Variants in SIGLEC12 observed in about 807,000 individuals in gnomAD.
SIGLEC12 encodes sialic acid-binding Ig-like lectin 12.
A neutral mutation model predicts 54.1 loss-of-function variants in SIGLEC12; 43 were observed. That is an observed-to-expected ratio of 0.80 (90% CI 0.62 to 1.03). SIGLEC12 has a LOEUF of 1.03. Among genes scored for constraint, SIGLEC12 ranks in the 50% least tolerant of loss-of-function variants. The probability of loss-of-function intolerance (pLI) is 0.00; values close to 1 mark genes in which losing one functional copy is unlikely to be tolerated. For synonymous variants in SIGLEC12, 357 were observed against 307.6 expected, an observed-to-expected ratio of 1.16 and a Z score of -1.68; for missense variants, 802 against 735.2, an observed-to-expected ratio of 1.09 and a Z score of -1.05.
chr19:51,493,138 A>G (rs4349265), intron 7 of SIGLEC12, among the ~76,000 whole-genome samples: 47,007 of 152,102 alleles, frequency 0.31, 7,498 homozygotes, highest in Middle Eastern at 0.46. Flanking sequence ...GGTCACCATG[A>G]CCACTGCTTG....
At chr19:51,494,258 T>G (rs1990173241) in intron 7 of SIGLEC12, among the ~76,000 whole-genome samples, 1 of 151,666 alleles carries the variant, frequency 6.6e-6, no homozygotes, top group Admixed American at 6.6e-5. Flanking sequence ...AAAAAATTCT[T>G]AGAACTCAAC....
intron 4 of SIGLEC12, among the ~76,000 whole-genome samples, chr19:51,498,621 C>T (rs1990306734): frequency 6.6e-6 from 1 of 152,112 alleles, no homozygotes; most frequent in South Asian, 2.1e-4. Context: ...CATGATCTTC[C>T]ATTAGAAGAT....
Position 51,499,150 on chromosome 19 carries a change from G to A in SIGLEC12, c.1135+20C>T. 1 of 1,613,522 alleles carries A rather than the reference G, an allele frequency of 6.2e-7. No individual in the cohort carries two copies. The highest frequency in any genetic ancestry group is 8.5e-7 in the Non-Finnish European group (1 of 1,179,476). On this transcript the variant is annotated intron_variant, in intron 4 of 7. Coordinates refer to ENST00000291707, the MANE Select transcript of SIGLEC12 (RefSeq NM_053003.4). ...TGAAGGCTCTGCTCCTCCAGCCCCAGGGAGAGGACTCCATCTTACCTGTGC... is the reference window on the plus strand; with the variant it reads ...TGAAGGCTCTGCTCCTCCAGCCCCAAGGAGAGGACTCCATCTTACCTGTGC...
chr19:51,491,441 G>A lies in SIGLEC12; in HGVS notation c.*200C>T. 1.8e-6 allele frequency: 1 copy of A among 553,880 alleles called. No homozygotes were observed. Among genetic ancestry groups the A allele is most frequent in the South Asian group, 2.1e-5 (1 of 46,650 alleles). 34.3% of individuals were successfully genotyped at this position (553,880 alleles called of 1,614,324 possible). A position where few individuals can be genotyped will look rare whatever the true frequency, so the allele number is the denominator to read the frequency against. ...AAGAGAATGGTGGGTACCAGAGGCC[G>A]GGGGCGGGGAGTGTGGACCGATTGG... On this transcript the variant is annotated 3_prime_UTR_variant, in exon 8 of 8. Transcript: ENST00000291707.
intron 7 of SIGLEC12, among the ~76,000 whole-genome samples, chr19:51,496,037 C>T (rs1012473305): frequency 6.6e-6 from 1 of 152,152 alleles, no homozygotes; most frequent in African/African-American, 2.4e-5. Context: ...GCAGGAGTGG[C>T]TGGAGGCGGG....
chr19:51,499,950 T>G lies in SIGLEC12; in HGVS notation c.778A>C (p.Ile260Leu). 6.2e-7 allele frequency: 1 copy of G among 1,613,648 alleles called. No homozygotes were observed. Reference sequence around the variant, plus strand: ...ACATGCACAGAGAGCTTGTCATATATGTAGTTCCATTTCCTGCTTCCTCTC... The same window carrying G: ...ACATGCACAGAGAGCTTGTCATATAGGTAGTTCCATTTCCTGCTTCCTCTC... ...VERGSRKWNY[I>L]YDKLSVHVTA... The change falls in exon 2 of 8, where the codon ATA (isoleucine) becomes CTA (leucine). Residue 260 changes from isoleucine to leucine, a missense_variant. Ile to Leu is a conservative substitution (Grantham distance 5). Coordinates refer to ENST00000291707, the MANE Select transcript of SIGLEC12 (RefSeq NM_053003.4).
rs6509544 is a variant in SIGLEC12, at chr19:51,500,077, G to A, written c.651C>T (p.His217=). ...TPSGKVQEDT[H]GRFLLLGDPQ... is the part of the protein sequence containing the mutation. ...GGTCCCCAAGGAGGAGGAATCGACC[G>A]TGGGTATCCTCTTGCACTTTTCCAC... Residue 217 remains histidine (H), a synonymous_variant, in exon 2 of 8, where the codon CAC becomes CAT. Coordinates refer to ENST00000291707, the MANE Select transcript of SIGLEC12 (RefSeq NM_053003.4). The A allele has an allele frequency of 5.6e-6, 9 of 1,613,984 alleles. No individual in the cohort carries two copies. Among genetic ancestry groups the A allele is most frequent in the African/African-American group, 2.7e-5 (2 of 74,910 alleles).
intron 7 of SIGLEC12, among the ~76,000 whole-genome samples, chr19:51,492,752 A>G (rs1990140317): frequency 6.6e-6 from 1 of 152,186 alleles, no homozygotes; most frequent in Non-Finnish European, 1.5e-5. Flanking sequence ...AGAAGCTGGA[A>G]AAGGTGAGAA....
rs1990217545 is a variant in SIGLEC12 at position 51,495,421 on chromosome 19, A to ATGGATGGATGGATGGG, written c.1599+1458_1599+1459insCCCATCCATCCATCCA. On this transcript the variant is annotated intron_variant, in intron 7 of 7. Transcript: ENST00000291707. The stretch of plus-strand genomic sequence containing the variant: ...GATGGGTGGGTGGGTGGGTGGATGG[A>ATGGATGGATGGATGGG]TGGATGGATGGATGGATGGATGGAC... Among the ~76,000 whole-genome samples the ATGGATGGATGGATGGG allele has an allele frequency of 2.6e-5, 3 of 117,136 alleles. No homozygotes were observed. The South Asian group carries it at 9.0e-4, about 35-fold the overall frequency. 76.8% of individuals were successfully genotyped at this position (117,136 alleles called of 152,430 possible).
intron 7 of SIGLEC12, among the ~76,000 whole-genome samples, chr19:51,493,705 A>C (rs78569821): frequency 0.058 from 8,850 of 152,124 alleles, 333 homozygotes; most frequent in Middle Eastern, 0.085. Context: ...TCATAAGTCT[A>C]ACTTCAGAAT....
At chr19:51,492,109 C>G (rs67736111) in intron 7 of SIGLEC12, among the ~76,000 whole-genome samples, 40,764 of 152,034 alleles carry the variant, frequency 0.27, 5,595 homozygotes, top group Middle Eastern at 0.41. Context: ...AAGTACCCTG[C>G]GCAAACTCCC....
In SIGLEC12 at chr19:51,500,312, C is replaced by G. The variant is rs542113322; in HGVS notation, c.428-12G>C. The G allele has an allele frequency of 6.2e-7, 1 of 1,614,084 alleles. No individual in the cohort carries two copies. Among genetic ancestry groups the G allele is most frequent in the Non-Finnish European group, 8.5e-7 (1 of 1,180,004 alleles). Reference sequence around the variant, plus strand: ...TAGGTCCTGGGACGCTGTGGAGAAACGAGGGTCAGCCCAGCCCCCACTGTC... The same window carrying G: ...TAGGTCCTGGGACGCTGTGGAGAAAGGAGGGTCAGCCCAGCCCCCACTGTC... On this transcript the variant is annotated splice_polypyrimidine_tract_variant and intron_variant, in intron 1 of 7. Transcript: ENST00000291707.
rs752035685 is a variant in SIGLEC12 at position 51,491,762 on chromosome 19, G to T, written c.1667C>A (p.Pro556His). The T allele has an allele frequency of 1.9e-6, 3 of 1,611,710 alleles. No homozygotes were observed. The highest frequency in any genetic ancestry group is 2.7e-5 in the African/African-American group (2 of 74,932). Residue 556 changes from proline to histidine, a missense_variant, in exon 8 of 8, where the codon CCC becomes CAC. Transcript: ENST00000291707. ...PHHAPPALAT[P>H]SPEEGEIQYA... ...CTGGATCTCTCCTTCCTCTGGGGAG[G>T]GGGTGGCCAGGGCTGGCGGAGCATG...
chr19:51,500,317 G>T lies in SIGLEC12; in HGVS notation c.428-17C>A. 6.2e-7 allele frequency: 1 copy of T among 1,614,098 alleles called. No homozygotes were observed. Among genetic ancestry groups the T allele is most frequent in the African/African-American group, 1.3e-5 (1 of 75,012 alleles). On this transcript the variant is annotated splice_polypyrimidine_tract_variant and intron_variant, in intron 1 of 7. Transcript: ENST00000291707. ...CCTGGGACGCTGTGGAGAAACGAGG[G>T]TCAGCCCAGCCCCCACTGTCCCTCT...
intron 7 of SIGLEC12, among the ~76,000 whole-genome samples, chr19:51,493,111 A>G (rs946202850): frequency 6.6e-6 from 1 of 152,200 alleles, no homozygotes; most frequent in Non-Finnish European, 1.5e-5. Context: ...ACCACATCTC[A>G]GCACTGCTGT....
At chr19:51,500,526 C>T (rs1012134677) in intron 1 of SIGLEC12, 26 of 224,220 alleles carry the variant, frequency 1.2e-4, no homozygotes, top group Non-Finnish European at 1.4e-4. Flanking sequence ...GCTATAGGAA[C>T]TCATTCCCTC....
Position 51,500,108 on chromosome 19 carries a change from G to T in SIGLEC12, c.620C>A (p.Thr207Asn), listed in dbSNP as rs777748444. 5.6e-6 allele frequency: 9 copies of T among 1,614,028 alleles called. No homozygotes were observed. Among genetic ancestry groups the T allele is most frequent in the African/African-American group, 1.3e-5 (1 of 74,910 alleles). The change falls in exon 2 of 8, where the codon ACC (threonine) becomes AAC (asparagine). Residue 207 changes from threonine (T) to asparagine (N), a missense_variant. By Grantham distance (65) the Thr-to-Asn change is moderately conservative. Coordinates refer to ENST00000291707, the MANE Select transcript of SIGLEC12 (RefSeq NM_053003.4). ...ATCCTCTTGCACTTTTCCACTTGGG[G>T]TGTTTGTGGCCACTGGAATATCCCA... ...IPWDIPVATN[T>N]PSGKVQEDTH...
Position 51,500,134 on chromosome 19 carries a change from T to C in SIGLEC12, c.594A>G (p.Pro198=), listed in dbSNP as rs45524332. 3.3e-3 allele frequency: 5,342 copies of C among 1,614,080 alleles called. 24 individuals are homozygous for C. Among genetic ancestry groups the C allele is most frequent in the Non-Finnish European group, 3.4e-3 (4,000 of 1,179,992 alleles). ...GSWFKEGADI[P]WDIPVATNTP... is the part of the protein sequence containing the mutation. ...TGTTTGTGGCCACTGGAATATCCCA[T>C]GGTATATCGGCCCCTTCCTTGAACC... Residue 198 remains proline (P), a synonymous_variant, in exon 2 of 8, where the codon CCA becomes CCG. Transcript: ENST00000291707.
At position 51,501,573 on chromosome 19, in the gene SIGLEC12, G is replaced by A. The variant is rs746889063; in HGVS notation, c.161C>T (p.Thr54Ile). ...GTAGCCATGAACTGGATCGGAGGCAGTCCAGCCATTTTGGGGGTAGGAGAA... is the reference window on the plus strand; with the variant it reads ...GTAGCCATGAACTGGATCGGAGGCAATCCAGCCATTTTGGGGGTAGGAGAA... ...CSFSYPQNGW[T>I]ASDPVHGYWF... The change falls in exon 1 of 8, where the codon ACT (threonine) becomes ATT (isoleucine). Residue 54 changes from threonine to isoleucine, a missense_variant. Thr to Ile is a moderately conservative substitution (Grantham distance 89). Coordinates refer to ENST00000291707, the MANE Select transcript of SIGLEC12 (RefSeq NM_053003.4). 3 of 1,613,974 alleles carry A rather than the reference G, an allele frequency of 1.9e-6. No homozygotes were observed. The highest frequency in any genetic ancestry group is 2.2e-5 in the East Asian group (1 of 44,866).
Sources: gnomAD v4.1 joint callset for allele counts (sites outside exome capture counted in the v4.1 genomes callset) on GRCh38, gnomAD v4.1.1 for gene constraint, MANE v1.5 for transcripts, NCBI Gene and HGNC (gene_info 2026-07-23, HGNC 2026-07-21) for gene names.